Variants in POLA1 observed in about 807,000 individuals in gnomAD.
POLA1 encodes DNA polymerase alpha catalytic subunit.
POLA1 carries 15 observed loss-of-function variants against 124.0 expected under a neutral mutation model. The ratio of observed to expected loss-of-function variants is 0.12; its 90% CI spans 0.08 to 0.19. The LOEUF is 0.19. Ranked by LOEUF, POLA1 falls within the 10% of genes least tolerant of loss-of-function variation. The pLI is 1.00. For missense variants in POLA1, 886 were observed against 1,103.4 expected (o/e 0.80, Z 2.79); for synonymous variants, 408 against 389.4 (o/e 1.05, Z -0.56).
chrX:24,888,451 C>T (rs943202668), intron 35 of POLA1, among the ~76,000 whole-genome samples: 16 of 110,706 alleles, frequency 1.4e-4, no homozygotes, highest in African/African-American at 5.3e-4. Context: ...ATCAGAATCC[C>T]ATTTGTAAGA....
chrX:24,879,927 C>G (rs1267600105), intron 34 of POLA1, among the ~76,000 whole-genome samples: 1 of 111,724 alleles, frequency 9.0e-6, no homozygotes, highest in Non-Finnish European at 1.9e-5. Flanking sequence ...GCCTTCTGTG[C>G]TCACAGTATA....
chrX:24,921,971 A>C (rs947111427), intron 35 of POLA1, among the ~76,000 whole-genome samples: 1 of 108,723 alleles, frequency 9.2e-6, no homozygotes, highest in Non-Finnish European at 1.9e-5. Context: ...GCCAGGGAAG[A>C]GGAACAAGTG....
At position 24,921,892 on chromosome X, in the gene POLA1, T is replaced by TTGTGTGTGTGTGTGTGTGTGTG. The variant is rs755172411; in HGVS notation, c.4165-8545_4165-8544insTGTGTGTGTGTGTGTGTGTGTG. ...ACATTCCAGATGTCAGTTTTGCCTT[T>TTGTGTGTGTGTGTGTGTGTGTG]TGTGTGTGTGTGTGTGATGGGGGTG... On this transcript the variant is annotated intron_variant, in intron 35 of 36. Transcript: ENST00000379068. Among the ~76,000 whole-genome samples, 203 of 105,728 alleles carry TTGTGTGTGTGTGTGTGTGTGTG rather than the reference T, an allele frequency of 1.9e-3. 4 individuals carry two copies. Among genetic ancestry groups the TTGTGTGTGTGTGTGTGTGTGTG allele is most frequent in the African/African-American group, 7.2e-3 (192 of 26,657 alleles). 91.8% of individuals were successfully genotyped at this position (105,728 alleles called of 115,157 possible). A position where few individuals can be genotyped will look rare whatever the true frequency, so the allele number is the denominator to read the frequency against.
chrX:24,867,171 A>G (rs770841912), intron 34 of POLA1, among the ~76,000 whole-genome samples: 49 of 111,534 alleles, frequency 4.4e-4, no homozygotes, highest in African/African-American at 1.6e-3. Flanking sequence ...TGAAAATTCA[A>G]TATTTTCTTG....
At chrX:24,868,663 C>G (rs2046826159) in intron 34 of POLA1, among the ~76,000 whole-genome samples, 1 of 111,644 alleles carries the variant, frequency 9.0e-6, no homozygotes, top group African/African-American at 3.3e-5. Flanking sequence ...AGATTTGCCT[C>G]TCATTAACCA....
chrX:24,878,545 T>TA (rs2046963519), intron 34 of POLA1, among the ~76,000 whole-genome samples: 1 of 110,829 alleles, frequency 9.0e-6, no homozygotes, highest in Non-Finnish European at 1.9e-5. Flanking sequence ...ATTTATTACC[T>TA]ACCTTCAGAG....
At chrX:24,749,945 CTATT>C (rs946879468) in intron 26 of POLA1, among the ~76,000 whole-genome samples, 4 of 111,901 alleles carry the variant, frequency 3.6e-5, no homozygotes, top group Non-Finnish European at 7.5e-5. Flanking sequence ...GGGTTTAAGA[CTATT>C]TAGCCTTAAA....
intron 36 of POLA1, among the ~76,000 whole-genome samples, chrX:24,972,712 G>A (rs916987273): frequency 8.9e-6 from 1 of 112,254 alleles, no homozygotes; most frequent in African/African-American, 3.2e-5. Flanking sequence ...TCACAGGTTT[G>A]CAGAATACCC....
chrX:24,716,932 C>G lies in POLA1; in HGVS notation c.667C>G (p.Pro223Ala). Reference sequence around the variant, plus strand: ...TTCCCCTGTCTCCAGAAAGGAGCCTCCATTAACTCCTGTTCCTCTTAAACG... The same window carrying G: ...TTCCCCTGTCTCCAGAAAGGAGCCTGCATTAACTCCTGTTCCTCTTAAACG... ...IASPVSRKEPPLTPVPLKRAE... is the reference protein window; with the variant it reads ...IASPVSRKEPALTPVPLKRAE... The change falls in exon 8 of 37, where the codon CCA (proline) becomes GCA (alanine). Residue 223 changes from proline to alanine, a missense_variant. Pro to Ala is a conservative substitution (Grantham distance 27). This residue lies in a region of POLA1 where 337 missense variants were observed against 402.8 expected (regional missense o/e 0.84). Coordinates refer to ENST00000379068, the MANE Select transcript of POLA1 (RefSeq NM_001330360.2). The G allele has an allele frequency of 8.4e-7, 1 of 1,197,073 alleles. No homozygotes were observed. The highest frequency in any genetic ancestry group is 1.1e-6 in the Non-Finnish European group (1 of 883,605).
intron 36 of POLA1, among the ~76,000 whole-genome samples, chrX:24,986,471 A>C: frequency 9.4e-6 from 1 of 106,589 alleles, no homozygotes; most frequent in Non-Finnish European, 1.9e-5. Context: ...TGTCTCTTTA[A>C]ATATATATAT....
chrX:24,939,310 C>T (rs1474863085), intron 36 of POLA1, among the ~76,000 whole-genome samples: 2 of 111,886 alleles, frequency 1.8e-5, no homozygotes, highest in Non-Finnish European at 1.9e-5. Context: ...TGAAACAATT[C>T]GCAAGCAGTT....
chrX:24,996,764 A>G lies in POLA1; in HGVS notation c.*814A>G, dbSNP rs2048612257. The G allele has an allele frequency of 9.0e-6, 1 of 111,595 alleles. No individual in the cohort carries two copies. The highest frequency in any genetic ancestry group is 3.3e-5 in the African/African-American group (1 of 30,630). 9.2% of individuals were successfully genotyped at this position (111,595 alleles called of 1,213,427 possible). On this transcript the variant is annotated 3_prime_UTR_variant, in exon 37 of 37. Transcript: ENST00000379068. The stretch of plus-strand genomic sequence containing the variant: ...TGCTTAATTGGCCCTGGCGCTTGCT[A>G]TTTTTTTCTCATTTCTTCACAATAG...
At chrX:24,980,047 C>G (rs1237813474) in intron 36 of POLA1, among the ~76,000 whole-genome samples, 1 of 110,863 alleles carries the variant, frequency 9.0e-6, no homozygotes, top group African/African-American at 3.3e-5. Context: ...GGTAATTTCC[C>G]CTTAGGGATT....
At chrX:24,766,522 A>T (rs1445599992) in intron 26 of POLA1, among the ~76,000 whole-genome samples, 1 of 112,245 alleles carries the variant, frequency 8.9e-6, no homozygotes, top group Non-Finnish European at 1.9e-5. Flanking sequence ...GAGTTGCCAA[A>T]TTCTATGGAT....
At chrX:24,830,889 G>A (rs2046251509) in intron 32 of POLA1, among the ~76,000 whole-genome samples, 1 of 112,202 alleles carries the variant, frequency 8.9e-6, no homozygotes, top group African/African-American at 3.2e-5. Context: ...GATTTGTACA[G>A]TAGTTATAAA....
chrX:24,743,465 A>G, intron 23 of POLA1, 136 bp downstream of exon 23: 2 of 343,734 alleles, frequency 5.8e-6, no homozygotes, highest in Non-Finnish European at 1.0e-5. Flanking sequence ...TCTTTCGTTC[A>G]CGTGAAAATC....
intron 24 of POLA1, among the ~76,000 whole-genome samples, chrX:24,747,996 A>G (rs1932116166): frequency 1.8e-5 from 2 of 111,646 alleles, no homozygotes; most frequent in Admixed American, 1.9e-4. Context: ...GGCTTCCCAA[A>G]GTGCTGGGAT....
At chrX:24,886,750 A>T (rs1257432801) in intron 34 of POLA1, among the ~76,000 whole-genome samples, 1 of 112,379 alleles carries the variant, frequency 8.9e-6, no homozygotes, top group Non-Finnish European at 1.9e-5. Context: ...TGTTCAGTCT[A>T]GAAATAGGAT....
At chrX:24,807,366 G>C (rs138201232) in intron 26 of POLA1, among the ~76,000 whole-genome samples, 1,580 of 112,184 alleles carry the variant, frequency 0.014, 15 homozygotes, top group Non-Finnish European at 0.023. Context: ...AGGGTAAAGA[G>C]GACTCTTGAT....
Sources: allele counts gnomAD v4.1 joint callset (sites outside exome capture counted in the v4.1 genomes callset), GRCh38; gene constraint gnomAD v4.1.1; regional missense constraint gnomAD v4.1.1; transcripts MANE v1.5; gene names NCBI Gene and HGNC (gene_info 2026-07-23, HGNC 2026-07-21).